The following PRKCE variants were observed in gnomAD, a reference collection of about 807,000 sequenced individuals.
PRKCE encodes the protein protein kinase C epsilon.
A neutral mutation model predicts 85.4 loss-of-function variants in PRKCE; 16 were observed. The ratio of observed to expected loss-of-function variants is 0.19; its 90% confidence interval spans 0.13 to 0.28. PRKCE has a LOEUF of 0.28. Among genes scored for constraint, PRKCE ranks in the 10% least tolerant of loss-of-function variants. PRKCE has a pLI of 1.00. For synonymous variants in PRKCE, 388 were observed against 371.5 expected (o/e 1.04, Z -0.51); for missense variants, 573 against 975.2 (o/e 0.59, Z 5.49).
At chr2:45,823,735 C>G (rs758601028) in intron 1 of PRKCE, among the ~76,000 whole-genome samples, 1 of 152,238 alleles carries the variant, frequency 6.6e-6, no homozygotes, top group Non-Finnish European at 1.5e-5. Flanking sequence ...ACCTGTGCCT[C>G]TGGCTGATTT....
At chr2:46,116,175 C>G (rs1672750271) in intron 11 of PRKCE, among the ~76,000 whole-genome samples, 1 of 152,180 alleles carries the variant, frequency 6.6e-6, no homozygotes, top group Non-Finnish European at 1.5e-5. Context: ...GAGACCATGA[C>G]CTCACCTTCT....
At chr2:45,820,329 C>G (rs1689429022) in intron 1 of PRKCE, among the ~76,000 whole-genome samples, 1 of 151,948 alleles carries the variant, frequency 6.6e-6, no homozygotes, top group Non-Finnish European at 1.5e-5. Flanking sequence ...GTGGACCTGC[C>G]TGGTGGGGAA....
In PRKCE at chr2:45,674,531, C is replaced by T. The variant is rs187597922; in HGVS notation, c.348+22083C>T. ...GAGCCTTCAATTGTAAGTCAGGGCC[C>T]AACTCACTGTGGTCAGTGCATATAT... is the stretch of plus-strand genomic sequence containing the variant. On this transcript the variant is annotated intron_variant, in intron 1 of 14. Transcript: ENST00000306156. Among the ~76,000 whole-genome samples the T allele has an allele frequency of 1.1e-3, 164 of 152,242 alleles. 2 individuals carry two copies. The East Asian group carries it at 0.021, about 19-fold the overall frequency.
intron 2 of PRKCE, among the ~76,000 whole-genome samples, chr2:45,872,368 C>A (rs1350307398): frequency 1.3e-5 from 2 of 152,168 alleles, no homozygotes; most frequent in Non-Finnish European, 2.9e-5. Flanking sequence ...AGAGCGGCAG[C>A]AGAGAGCCAG....
At chr2:46,101,545 A>G (rs1671222636) in intron 11 of PRKCE, among the ~76,000 whole-genome samples, 1 of 152,328 alleles carries the variant, frequency 6.6e-6, no homozygotes, top group South Asian at 2.1e-4. Context: ...TCAAAGCACA[A>G]ATAGAGGCCA....
intron 2 of PRKCE, among the ~76,000 whole-genome samples, chr2:45,914,194 A>C (rs962032421): frequency 2.0e-5 from 3 of 152,248 alleles, no homozygotes; most frequent in Admixed American, 1.3e-4. Flanking sequence ...AGGAGTTTAT[A>C]ATTAGGAAGA....
At chr2:45,991,672 C>T (rs189533849) in intron 6 of PRKCE, among the ~76,000 whole-genome samples, 1 of 152,328 alleles carries the variant, frequency 6.6e-6, no homozygotes, top group East Asian at 1.9e-4. Context: ...CCTTTTCATG[C>T]ATATGTGTGA....
intron 1 of PRKCE, among the ~76,000 whole-genome samples, chr2:45,809,548 C>T (rs1688499763): frequency 6.6e-6 from 1 of 151,930 alleles, no homozygotes; most frequent in Non-Finnish European, 1.5e-5. Flanking sequence ...CCAATAATAG[C>T]GACTTAAAGA....
intron 2 of PRKCE, among the ~76,000 whole-genome samples, chr2:45,937,294 G>A (rs781377415): frequency 3.3e-5 from 5 of 152,222 alleles, no homozygotes; most frequent in African/African-American, 1.2e-4. Context: ...TGCCACAGAG[G>A]TCACTCCCAG....
chr2:46,184,672 C>G lies in PRKCE; in HGVS notation c.2068-63C>G. On this transcript the variant is annotated intron_variant, in intron 14 of 14. Coordinates refer to ENST00000306156, the MANE Select transcript of PRKCE (RefSeq NM_005400.3). The surrounding 1 kb of genome is among the most constrained non-coding windows in gnomAD (Gnocchi z 5.0). ...GGCTGGTCAGTGCGGTGCCCACTCC[C>G]CATGGGGGGCCCTCAGGAGGGAGAG... 1 of 1,575,328 alleles carries G rather than the reference C, an allele frequency of 6.3e-7. No individual in the cohort carries two copies. The highest frequency in any genetic ancestry group is 8.6e-7 in the Non-Finnish European group (1 of 1,167,964).
In PRKCE at chr2:46,184,954, C is replaced by T. The variant is rs1045118035; in HGVS notation, c.*73C>T. ...AGAAGACTCCTGTGTTGGAGACACT[C>T]AGCAGGTCTTGAACTACTTCTCCTC... On this transcript the variant is annotated 3_prime_UTR_variant, in exon 15 of 15. Coordinates refer to ENST00000306156, the MANE Select transcript of PRKCE (RefSeq NM_005400.3). This position sits in a 1 kb window ranked among gnomAD's most constrained non-coding sequence, Gnocchi z 5.0. 2 of 1,563,588 alleles carry T rather than the reference C, an allele frequency of 1.3e-6. No individual in the cohort carries two copies. The highest frequency in any genetic ancestry group is 2.2e-5 in the East Asian group (1 of 44,670).
chr2:45,776,727 G>C (rs541588146), intron 1 of PRKCE, among the ~76,000 whole-genome samples: 30 of 152,240 alleles, frequency 2.0e-4, no homozygotes, highest in African/African-American at 7.0e-4. Context: ...CTCTGATTCC[G>C]TTTAAAGAAG....
chr2:45,934,660 A>C (rs1306367396), intron 2 of PRKCE, among the ~76,000 whole-genome samples: 4 of 151,760 alleles, frequency 2.6e-5, no homozygotes, highest in Non-Finnish European at 5.9e-5. Flanking sequence ...AAAAAAAAAA[A>C]AATTACTGCT....
chr2:46,123,057 C>T (rs1673474674), intron 11 of PRKCE, among the ~76,000 whole-genome samples: 1 of 142,412 alleles, frequency 7.0e-6, no homozygotes, highest in African/African-American at 2.6e-5. Flanking sequence ...GTCATTGTGG[C>T]AATATTACTG....
intron 11 of PRKCE, among the ~76,000 whole-genome samples, chr2:46,119,648 C>T (rs1673123809): frequency 6.6e-6 from 1 of 152,134 alleles, no homozygotes; most frequent in African/African-American, 2.4e-5. Context: ...CAATTTATCT[C>T]CCAGAAACCA....
intron 10 of PRKCE, among the ~76,000 whole-genome samples, chr2:46,065,450 C>T (rs1488902179): frequency 6.6e-6 from 1 of 152,156 alleles, no homozygotes; most frequent in African/African-American, 2.4e-5. Flanking sequence ...CTTCCATCTT[C>T]TCATTTGTCC....
At chr2:45,720,438 C>T (rs2104454096) in intron 1 of PRKCE, among the ~76,000 whole-genome samples, 1 of 152,170 alleles carries the variant, frequency 6.6e-6, no homozygotes, top group African/African-American at 2.4e-5. Flanking sequence ...GTGAGAGGAA[C>T]AACATGCAGC....
intron 10 of PRKCE, among the ~76,000 whole-genome samples, chr2:46,045,474 G>C (rs1333303924): frequency 6.6e-6 from 1 of 152,240 alleles, no homozygotes; most frequent in Non-Finnish European, 1.5e-5. Flanking sequence ...AGATGTTTAG[G>C]CTAGTAATAT....
chr2:45,843,104 G>A (rs374953774), intron 2 of PRKCE, 41 bp downstream of exon 2: 7 of 1,573,646 alleles, frequency 4.4e-6, no homozygotes, highest in African/African-American at 4.1e-5. Flanking sequence ...TCTTCCATTG[G>A]CCCTTTGCCT....
Sources: gnomAD v4.1 joint callset for allele counts (sites outside exome capture counted in the v4.1 genomes callset) on GRCh38, gnomAD v4.1.1 for gene constraint, Gnocchi (gnomAD v3.1) non-coding constraint, MANE v1.5 for transcripts, NCBI Gene and HGNC (gene_info 2026-07-23, HGNC 2026-07-21) for gene names.